PDE6C: variants seen among roughly 807,000 people sequenced by gnomAD.
PDE6C encodes cone cGMP-specific 3',5'-cyclic phosphodiesterase subunit alpha'.
In PDE6C, 75 loss-of-function variants were observed where a neutral mutation model predicts 113.1. That is an observed-to-expected ratio of 0.66 (90% confidence interval 0.55 to 0.80). PDE6C has a LOEUF of 0.80. Among genes scored for constraint, PDE6C ranks in the 30% least tolerant of loss-of-function variants. The pLI is 0.00. For synonymous variants in PDE6C, 375 were observed against 363.7 expected (o/e 1.03, Z -0.35); for missense variants, 912 against 1,038.6 (o/e 0.88, Z 1.67).
intron 1 of PDE6C, among the ~76,000 whole-genome samples, chr10:93,615,733 A>G (rs1208821586): frequency 1.3e-5 from 2 of 152,260 alleles, no homozygotes; most frequent in Non-Finnish European, 2.9e-5. Flanking sequence ...ATATGCAGCC[A>G]ATGTTGAAAA....
At chr10:93,616,352 A>C (rs902454743) in intron 1 of PDE6C, among the ~76,000 whole-genome samples, 1 of 152,220 alleles carries the variant, frequency 6.6e-6, no homozygotes, top group Non-Finnish European at 1.5e-5. Flanking sequence ...TGGAGGGTCC[A>C]TGAAGGTAAC....
At position 93,640,920 on chromosome 10, in the gene PDE6C, A is replaced by G; in HGVS notation, c.1738A>G (p.Thr580Ala). ...VGQTMFTLLM[T>A]GRLKKYYTDL... The stretch of plus-strand genomic sequence containing the variant: ...ATGCATATATATGTTATTTTTTTAG[A>G]CAGGAAGATTAAAGAAGTACTACAC... Residue 580 changes from threonine to alanine, a missense_variant and splice_region_variant, in exon 14 of 22, where the codon ACA becomes GCA. Coordinates refer to ENST00000371447, the MANE Select transcript of PDE6C (RefSeq NM_006204.4). 1.3e-6 allele frequency: 2 copies of G among 1,581,092 alleles called. No individual in the cohort carries two copies. Among genetic ancestry groups the G allele is most frequent in the Non-Finnish European group, 1.7e-6 (2 of 1,149,932 alleles).
chr10:93,648,858 T>C (rs2133871351), intron 15 of PDE6C, among the ~76,000 whole-genome samples: 1 of 152,364 alleles, frequency 6.6e-6, no homozygotes, highest in African/African-American at 2.4e-5. Context: ...AAGCGTATGA[T>C]AATTTTATTT....
chr10:93,614,613 C>T (rs2058411361), intron 1 of PDE6C, among the ~76,000 whole-genome samples: 1 of 152,130 alleles, frequency 6.6e-6, no homozygotes, highest in Admixed American at 6.5e-5. Context: ...GCACATCAAA[C>T]TTGAAAAAGT....
In PDE6C at chr10:93,654,156, G is replaced by A. The variant is rs145813637; in HGVS notation, c.1936-1604G>A. Among the ~76,000 whole-genome samples, 744 of 152,344 alleles carry A rather than the reference G, an allele frequency of 4.9e-3. 7 individuals are homozygous for A. Among genetic ancestry groups the A allele is most frequent in the African/African-American group, 0.017 (700 of 41,570 alleles). The stretch of plus-strand genomic sequence containing the variant: ...ATTTCATTTGATTCAGCATTCCACA[G>A]ATATTAATTGAGCATAGACTAAGTG... On this transcript the variant is annotated intron_variant, in intron 15 of 21. Coordinates refer to ENST00000371447, the MANE Select transcript of PDE6C (RefSeq NM_006204.4).
chr10:93,640,798 C>A, intron 13 of PDE6C, 122 bp from the exon 14 acceptor site: 1 of 741,440 alleles, frequency 1.3e-6, no homozygotes, highest in African/African-American at 1.7e-5. Flanking sequence ...ATACTCACAA[C>A]AAATAAAGTG....
At chr10:93,617,241 C>T (rs949012261) in intron 1 of PDE6C, among the ~76,000 whole-genome samples, 2 of 152,152 alleles carry the variant, frequency 1.3e-5, no homozygotes, top group African/African-American at 4.8e-5. Flanking sequence ...AAAGAAACTT[C>T]GCTAAGGATT....
chr10:93,617,097 G>A (rs940379457), intron 1 of PDE6C, among the ~76,000 whole-genome samples: 2 of 152,090 alleles, frequency 1.3e-5, no homozygotes, highest in African/African-American at 4.8e-5. Context: ...CAGGGGTTAA[G>A]GGTGTTTAAT....
chr10:93,653,346 A>C (rs908615575), intron 15 of PDE6C, among the ~76,000 whole-genome samples: 18 of 152,150 alleles, frequency 1.2e-4, no homozygotes, highest in Non-Finnish European at 2.5e-4. Context: ...GTCCCAAGTA[A>C]GAAATTGATT....
At chr10:93,627,258 C>CAAAAAAAAA (rs57142181) in intron 7 of PDE6C, among the ~76,000 whole-genome samples, 27 of 52,402 alleles carry the variant, frequency 5.2e-4, no homozygotes, top group Admixed American at 1.1e-3. Flanking sequence ...TGAAACTCCA[C>CAAAAAAAAA]AAAAAAAAAA....
rs569587641 is a variant in PDE6C, at chr10:93,643,457, C to T, written c.1847+2428C>T. On this transcript the variant is annotated intron_variant, in intron 14 of 21. Coordinates refer to ENST00000371447, the MANE Select transcript of PDE6C (RefSeq NM_006204.4). ...CCCAGGGACTGCAGTGGCATGATCA[C>T]AGCTCACTGCAGCCTTGACCTCTGG... Among the ~76,000 whole-genome samples, 387 of 152,162 alleles carry T rather than the reference C, an allele frequency of 2.5e-3. 2 individuals are homozygous for T. The highest frequency in any genetic ancestry group is 8.6e-3 in the African/African-American group (357 of 41,532).
At chr10:93,625,672 AT>A (rs1320380885) in intron 5 of PDE6C, 23 bp downstream of exon 5, 2 of 1,543,134 alleles carry the variant, frequency 1.3e-6, no homozygotes, top group Non-Finnish European at 1.8e-6. Context: ...GTCTTCCTTG[AT>A]GCCATCTGTG....
rs2058448484 is a variant in PDE6C at position 93,621,921 on chromosome 10, C to A, written c.724-11C>A. On this transcript the variant is annotated splice_polypyrimidine_tract_variant and intron_variant, in intron 3 of 21. Transcript: ENST00000371447. Reference sequence around the variant, plus strand: ...TATTCTAACTGTTTTCTTTTTGATACCTACTTTCAGATCCTTATGTGGTCA... The same window carrying A: ...TATTCTAACTGTTTTCTTTTTGATAACTACTTTCAGATCCTTATGTGGTCA... 6.2e-7 allele frequency: 1 copy of A among 1,612,448 alleles called. No individual in the cohort carries two copies.
intron 15 of PDE6C, among the ~76,000 whole-genome samples, chr10:93,646,414 C>A (rs897958294): frequency 6.6e-6 from 1 of 152,184 alleles, no homozygotes; most frequent in African/African-American, 2.4e-5. Flanking sequence ...TGCTTTAGAG[C>A]ATGGTCTATG....
chr10:93,627,863 G>A (rs1397647703), intron 7 of PDE6C, among the ~76,000 whole-genome samples: 4 of 152,098 alleles, frequency 2.6e-5, no homozygotes, highest in Admixed American at 6.5e-5. Flanking sequence ...AAAGATTCTC[G>A]CATTTTCTGT....
chr10:93,649,247 G>A (rs1246660199), intron 15 of PDE6C, among the ~76,000 whole-genome samples: 2 of 152,124 alleles, frequency 1.3e-5, no homozygotes, highest in East Asian at 3.8e-4. Flanking sequence ...CTTGTCTAGT[G>A]CACCTGTCTC....
intron 15 of PDE6C, among the ~76,000 whole-genome samples, chr10:93,652,947 TAAC>T (rs1294498278): frequency 6.6e-6 from 1 of 152,226 alleles, no homozygotes; most frequent in Non-Finnish European, 1.5e-5. Context: ...CTATAAATAT[TAAC>T]TTGTCTAAAA....
chr10:93,613,089 A>G lies in PDE6C; in HGVS notation c.364A>G (p.Lys122Glu). Reference sequence around the variant, plus strand: ...GTTGCTGGATGTCACCCCCACCTCCAAGTTTGAGGACAACCTGGTGGGCCC... The same window carrying G: ...GTTGCTGGATGTCACCCCCACCTCCGAGTTTGAGGACAACCTGGTGGGCCC... ...SRLLDVTPTS[K>E]FEDNLVGPDK... The change falls in exon 1 of 22, where the codon AAG (lysine) becomes GAG (glutamate). Residue 122 changes from lysine (K) to glutamate (E), a missense_variant. Coordinates refer to ENST00000371447, the MANE Select transcript of PDE6C (RefSeq NM_006204.4). The G allele has an allele frequency of 6.2e-7, 1 of 1,614,198 alleles. No individual in the cohort carries two copies.
intron 10 of PDE6C, 73 bp downstream of exon 10, chr10:93,635,713 C>T: frequency 2.0e-6 from 3 of 1,490,736 alleles, no homozygotes; most frequent in Non-Finnish European, 2.8e-6. Context: ...TCTAATTACC[C>T]AGGGGTCTGA....
Sources: allele counts gnomAD v4.1 joint callset (sites outside exome capture counted in the v4.1 genomes callset), GRCh38; gene constraint gnomAD v4.1.1; transcripts MANE v1.5; gene names NCBI Gene and HGNC (gene_info 2026-07-23, HGNC 2026-07-21).